Variants in EXPH5 observed in about 807,000 individuals in gnomAD.
EXPH5 encodes exophilin-5.
A neutral mutation model predicts 41.1 loss-of-function variants in EXPH5; 42 were observed. The ratio of observed to expected loss-of-function variants is 1.02; its 90% confidence interval spans 0.80 to 1.32. EXPH5 has a LOEUF of 1.32. EXPH5 is among the 40% of genes most tolerant of loss of function. The pLI is 0.00. For missense variants in EXPH5, 2,298 were observed against 2,314.5 expected (o/e 0.99, Z 0.15); for synonymous variants, 798 against 833.5 (o/e 0.96, Z 0.73).
At chr11:108,601,034 T>C in the EXPH5 span, among the ~76,000 whole-genome samples, 1 of 152,212 alleles carries the variant, frequency 6.6e-6, no homozygotes, top group African/African-American at 2.4e-5. Context: ...CTGTTCACCA[T>C]ACAGGGGCTT....
rs563840928 is a variant in EXPH5, at chr11:108,575,562, A to G, written c.119+17856T>C. Among the ~76,000 whole-genome samples, 3 of 152,382 alleles carry G rather than the reference A, an allele frequency of 2.0e-5. No homozygotes were observed. In the South Asian group the frequency reaches 6.2e-4, roughly 32 times the overall value. On this transcript the variant is annotated intron_variant, in intron 1 of 5. Coordinates refer to ENST00000265843, the MANE Select transcript of EXPH5 (RefSeq NM_015065.3). Reference sequence around the variant, plus strand: ...CTAAATTATAGAATATATGCAGTAGAATAGTATACAACCACAAAAGTTATG... The same window carrying G: ...CTAAATTATAGAATATATGCAGTAGGATAGTATACAACCACAAAAGTTATG...
At chr11:108,562,545 G>T (rs1255675621) in intron 1 of EXPH5, among the ~76,000 whole-genome samples, 1 of 152,094 alleles carries the variant, frequency 6.6e-6, no homozygotes, top group East Asian at 1.9e-4. Flanking sequence ...GGAGGGAGAG[G>T]TTGCAGTGAG....
chr11:108,575,349 G>A (rs2094076237), intron 1 of EXPH5, among the ~76,000 whole-genome samples: 1 of 152,194 alleles, frequency 6.6e-6, no homozygotes, highest in South Asian at 2.1e-4. Context: ...TTGGTAACAT[G>A]TAATGAGAAC....
At chr11:108,517,760 T>G (rs1396523435) in intron 5 of EXPH5, among the ~76,000 whole-genome samples, 1 of 152,158 alleles carries the variant, frequency 6.6e-6, no homozygotes, top group African/African-American at 2.4e-5. Context: ...TATTTCCTTT[T>G]TACCTGAGGT....
At chr11:108,606,370 C>G in the EXPH5 span, among the ~76,000 whole-genome samples, 2 of 152,210 alleles carry the variant, frequency 1.3e-5, no homozygotes, top group African/African-American at 2.4e-5. Context: ...GCTCCCCAAT[C>G]TCCACTCCAC....
intron 3 of EXPH5, among the ~76,000 whole-genome samples, chr11:108,534,600 T>G (rs771362873): frequency 1.1e-4 from 17 of 152,218 alleles, no homozygotes; most frequent in Non-Finnish European, 1.9e-4. Flanking sequence ...TAGTCTTATT[T>G]GTTTTTCAAA....
intron 1 of EXPH5, among the ~76,000 whole-genome samples, chr11:108,580,775 A>G (rs1325206426): frequency 6.6e-6 from 1 of 152,234 alleles, no homozygotes; most frequent in Non-Finnish European, 1.5e-5. Flanking sequence ...ACTGGATGAC[A>G]TTATGTTAAG....
upstream of EXPH5, chr11:108,593,875 C>T: frequency 1.2e-6 from 1 of 817,264 alleles, no homozygotes; most frequent in Non-Finnish European, 2.0e-6. Flanking sequence ...CGTCCCCTCC[C>T]TCGTCCCCTC....
intron 1 of EXPH5, among the ~76,000 whole-genome samples, chr11:108,591,068 C>A (rs748982508): frequency 6.6e-6 from 1 of 152,182 alleles, no homozygotes; most frequent in Non-Finnish European, 1.5e-5. Context: ...TAAACTTCCC[C>A]ATTTGGACCC....
intron 3 of EXPH5, 146 bp from the exon 4 acceptor site, chr11:108,528,330 G>T: frequency 1.7e-6 from 1 of 575,874 alleles, no homozygotes; most frequent in Non-Finnish European, 3.1e-6. Context: ...CTTCGTTAGT[G>T]CATTATTGAA....
chr11:108,514,278 T>C lies in EXPH5; in HGVS notation c.1229A>G (p.Gln410Arg). ...ADKYVYPRGF[Q>R]ENKRYESYHS... is the part of the protein sequence containing the mutation. ...GTACGATTCATATCTCTTATTCTCC[T>C]GAAAACCCCTGGGATACACATACTT... The change falls in exon 6 of 6, where the codon CAG becomes CGG. Residue 410 changes from glutamine to arginine, a missense_variant. Physicochemically the swap from Gln to Arg is conservative, Grantham distance 43 (BLOSUM62 1). Coordinates refer to ENST00000265843, the MANE Select transcript of EXPH5 (RefSeq NM_015065.3). 6.2e-7 allele frequency: 1 copy of C among 1,614,032 alleles called. No individual in the cohort carries two copies. The highest frequency in any genetic ancestry group is 8.5e-7 in the Non-Finnish European group (1 of 1,179,982).
chr11:108,561,518 A>C (rs1203366705), intron 1 of EXPH5, among the ~76,000 whole-genome samples: 1 of 152,200 alleles, frequency 6.6e-6, no homozygotes, highest in Non-Finnish European at 1.5e-5. Context: ...GTATCCCATG[A>C]AGTGTTGGGA....
intron 1 of EXPH5, among the ~76,000 whole-genome samples, chr11:108,561,678 G>T (rs1283610364): frequency 1.3e-5 from 2 of 152,212 alleles, no homozygotes; most frequent in Non-Finnish European, 2.9e-5. Context: ...CTATTTTGGA[G>T]AGTGATTAAC....
chr11:108,568,107 G>A (rs1420715403), intron 1 of EXPH5: 1 of 144,942 alleles, frequency 6.9e-6, no homozygotes, highest in Non-Finnish European at 1.5e-5. Flanking sequence ...GAGGGTGCCG[G>A]TGAAAGCCAG....
chr11:108,532,931 G>A (rs1055817145), intron 3 of EXPH5, among the ~76,000 whole-genome samples: 1 of 152,176 alleles, frequency 6.6e-6, no homozygotes, highest in Non-Finnish European at 1.5e-5. Flanking sequence ...GTTCTTGTGT[G>A]TTTCTCTACT....
intron 2 of EXPH5, 105 bp downstream of exon 2, chr11:108,541,547 T>A (rs1473948773): frequency 5.8e-6 from 4 of 688,236 alleles, no homozygotes; most frequent in Non-Finnish European, 9.3e-6. Context: ...TTTAAAATAG[T>A]TCTAAACATG....
upstream of EXPH5, among the ~76,000 whole-genome samples, chr11:108,595,023 A>G (rs986145501): frequency 1.3e-5 from 2 of 152,188 alleles, no homozygotes; most frequent in African/African-American, 4.8e-5. Flanking sequence ...CTGTTTTGGG[A>G]GTATGTCTTG....
chr11:108,562,244 C>T (rs370024926), intron 1 of EXPH5, among the ~76,000 whole-genome samples: 1 of 149,408 alleles, frequency 6.7e-6, no homozygotes, highest in Non-Finnish European at 1.5e-5. Flanking sequence ...CTTTGCTTTG[C>T]CATTATACAA....
rs2093644818 is a variant in EXPH5, at chr11:108,506,526, C to A, written c.*3011G>T. On this transcript the variant is annotated 3_prime_UTR_variant, in exon 6 of 6. Coordinates refer to ENST00000265843, the MANE Select transcript of EXPH5 (RefSeq NM_015065.3). ...CTAAACTCACTGAAAAATAAGCTAACTTCATTTCACCTTTTGTAGCATACA... is the reference window on the plus strand; with the variant it reads ...CTAAACTCACTGAAAAATAAGCTAAATTCATTTCACCTTTTGTAGCATACA... 1 of 152,136 alleles carries A rather than the reference C, an allele frequency of 6.6e-6. No homozygotes were observed. 9.4% of individuals were successfully genotyped at this position (152,136 alleles called of 1,614,324 possible). A position where few individuals can be genotyped will look rare whatever the true frequency, so the allele number is the denominator to read the frequency against.
Sources: allele counts gnomAD v4.1 joint callset (sites outside exome capture counted in the v4.1 genomes callset), GRCh38; gene constraint gnomAD v4.1.1; transcripts MANE v1.5; gene names NCBI Gene and HGNC (gene_info 2026-07-23, HGNC 2026-07-21).